Variants in HIVEP3 observed in about 807,000 individuals in gnomAD.
HIVEP3 encodes the protein HIVEP zinc finger 3.
HIVEP3 carries 49 observed loss-of-function variants against 152.8 expected under a neutral mutation model. That is an observed-to-expected ratio of 0.32 (90% CI 0.26 to 0.41). HIVEP3 has a LOEUF of 0.41. HIVEP3 is among the 10% of genes least tolerant of loss of function. HIVEP3 has a pLI of 1.00. For missense variants in HIVEP3, 2,790 were observed against 3,103.3 expected (o/e 0.90, Z 2.40); for synonymous variants, 1,269 against 1,289.0 (o/e 0.98, Z 0.33).
chr1:41,684,312 CT>C (rs1558178162), intron 2 of HIVEP3, among the ~76,000 whole-genome samples: 1 of 152,240 alleles, frequency 6.6e-6, no homozygotes, highest in Non-Finnish European at 1.5e-5. Context: ...CACCAACCAC[CT>C]TGGCCATGCA....
chr1:41,853,169 C>A (rs1643651583), intron 1 of HIVEP3, among the ~76,000 whole-genome samples: 1 of 152,182 alleles, frequency 6.6e-6, no homozygotes, highest in Non-Finnish European at 1.5e-5. Context: ...TTGTCTGGAT[C>A]AGAGGCAAAT....
At chr1:41,616,620 C>T (rs1319919166) in intron 3 of HIVEP3, among the ~76,000 whole-genome samples, 15 of 112,488 alleles carry the variant, frequency 1.3e-4, no homozygotes, top group Admixed American at 4.0e-4. Context: ...GATGGGGAGC[C>T]TTTTTTTTTT....
chr1:41,568,419 G>A (rs577890980), intron 5 of HIVEP3, among the ~76,000 whole-genome samples: 39 of 152,370 alleles, frequency 2.6e-4, no homozygotes, highest in Admixed American at 1.9e-3. Flanking sequence ...GGAGCAGGGC[G>A]AGAGCCATAG....
intron 1 of HIVEP3, among the ~76,000 whole-genome samples, chr1:41,992,273 C>T (rs1276616812): frequency 6.6e-6 from 1 of 152,128 alleles, no homozygotes; most frequent in Non-Finnish European, 1.5e-5. Flanking sequence ...CCAAAATCTC[C>T]TTAAGCGATA....
intron 2 of HIVEP3, among the ~76,000 whole-genome samples, chr1:41,695,166 T>C (rs1276435869): frequency 6.6e-6 from 1 of 152,150 alleles, no homozygotes; most frequent in Non-Finnish European, 1.5e-5. Context: ...TTATTGTTGC[T>C]ATGGGACTGG....
intron 1 of HIVEP3, among the ~76,000 whole-genome samples, chr1:41,772,391 C>A (rs923515047): frequency 6.6e-6 from 1 of 152,136 alleles, no homozygotes; most frequent in Non-Finnish European, 1.5e-5. Flanking sequence ...CAGGTTAAGC[C>A]AGCTGCAGGT....
At chr1:41,707,437 C>A (rs1016784790) in intron 1 of HIVEP3, among the ~76,000 whole-genome samples, 1 of 152,236 alleles carries the variant, frequency 6.6e-6, no homozygotes, top group African/African-American at 2.4e-5. Flanking sequence ...AGGACTTACC[C>A]TCTCTCGGAT....
At chr1:42,006,964 G>A (rs1384142307) in intron 1 of HIVEP3, among the ~76,000 whole-genome samples, 1 of 152,206 alleles carries the variant, frequency 6.6e-6, no homozygotes, top group African/African-American at 2.4e-5. Flanking sequence ...TCACAGCAGG[G>A]AGTGGGAAGG....
At chr1:41,915,641 A>G (rs1644859452) in intron 1 of HIVEP3, among the ~76,000 whole-genome samples, 1 of 152,234 alleles carries the variant, frequency 6.6e-6, no homozygotes, top group African/African-American at 2.4e-5. Context: ...TGGATAAGTG[A>G]AATTATGTAA....
chr1:41,575,935 A>G (rs1418480852), intron 4 of HIVEP3, among the ~76,000 whole-genome samples: 1 of 152,124 alleles, frequency 6.6e-6, no homozygotes, highest in Non-Finnish European at 1.5e-5. Flanking sequence ...TGTCTCTTTC[A>G]TGTTAACCTC....
intron 5 of HIVEP3, among the ~76,000 whole-genome samples, chr1:41,531,514 A>AGAGGACAGGGGAGATG (rs1643253614): frequency 1.9e-5 from 1 of 53,288 alleles, no homozygotes; most frequent in Non-Finnish European, 3.6e-5. Context: ...CAGGGGCGAT[A>AGAGGACAGGGGAGATG]GAGGACAGGA....
intron 1 of HIVEP3, among the ~76,000 whole-genome samples, chr1:42,024,474 T>G (rs188357231): frequency 6.6e-6 from 1 of 152,360 alleles, no homozygotes; most frequent in East Asian, 1.9e-4. Flanking sequence ...GCATACATTG[T>G]TAATTTATCA....
At chr1:41,832,079 C>T (rs966914375) in intron 1 of HIVEP3, among the ~76,000 whole-genome samples, 15 of 152,178 alleles carry the variant, frequency 9.9e-5, no homozygotes, top group South Asian at 6.2e-4. Flanking sequence ...GGGTCAGCCT[C>T]GAGATCTGCA....
chr1:41,934,840 A>G (rs750494658), intron 1 of HIVEP3, among the ~76,000 whole-genome samples: 3 of 152,186 alleles, frequency 2.0e-5, no homozygotes, highest in Non-Finnish European at 4.4e-5. Context: ...TGTTGAAAGC[A>G]TCTACCAGCC....
At chr1:41,741,317 C>G (rs1296201959) in intron 1 of HIVEP3, among the ~76,000 whole-genome samples, 1 of 152,168 alleles carries the variant, frequency 6.6e-6, no homozygotes, top group Non-Finnish European at 1.5e-5. Flanking sequence ...AACCAAGAGG[C>G]AGGTGTGGAG....
At chr1:41,917,848 GA>G (rs1013848057) in intron 1 of HIVEP3, among the ~76,000 whole-genome samples, 4 of 151,958 alleles carry the variant, frequency 2.6e-5, no homozygotes, top group African/African-American at 9.7e-5. Flanking sequence ...GATTAAGGGG[GA>G]AAAAGAAAGC....
intron 1 of HIVEP3, among the ~76,000 whole-genome samples, chr1:41,909,473 T>G (rs1303362840): frequency 6.6e-6 from 1 of 152,018 alleles, no homozygotes; most frequent in Non-Finnish European, 1.5e-5. Flanking sequence ...AGGCTCAAAA[T>G]ATATAAAACA....
At chr1:41,665,243 C>T (rs1312269968) in intron 2 of HIVEP3, among the ~76,000 whole-genome samples, 2 of 152,194 alleles carry the variant, frequency 1.3e-5, no homozygotes, top group African/African-American at 4.8e-5. Context: ...ACTCTGTGAG[C>T]CCCCACCTGC....
intron 1 of HIVEP3, among the ~76,000 whole-genome samples, chr1:42,003,367 G>A (rs770188699): frequency 6.6e-6 from 1 of 152,114 alleles, no homozygotes; most frequent in African/African-American, 2.4e-5. Flanking sequence ...GTGAGCCAAC[G>A]TGCCCCACCT....
Sources: gnomAD v4.1 joint callset for allele counts (sites outside exome capture counted in the v4.1 genomes callset) on GRCh38, gnomAD v4.1.1 for gene constraint, MANE v1.5 for transcripts, NCBI Gene and HGNC (gene_info 2026-07-23, HGNC 2026-07-21) for gene names.